Variants in ROBO2 observed in about 807,000 individuals in gnomAD.
The protein encoded by ROBO2 is roundabout homolog 2.
Under a neutral mutation model 160.8 loss-of-function variants are expected in ROBO2, and 53 were observed. The observed-to-expected ratio is 0.33, with a 90% CI of 0.26 to 0.41. ROBO2 has a LOEUF of 0.41. Among genes scored for constraint, ROBO2 ranks in the 10% least tolerant of loss-of-function variants. The probability of loss-of-function intolerance (pLI) is 1.00; values close to 1 mark genes in which losing one functional copy is unlikely to be tolerated. For missense variants in ROBO2, 1,577 were observed against 1,722.4 expected (o/e 0.92, Z 1.49); for synonymous variants, 664 against 611.7 (o/e 1.09, Z -1.26).
chr3:76,179,691 C>T (rs865949271), intron 2 of ROBO2, among the ~76,000 whole-genome samples: 2 of 152,034 alleles, frequency 1.3e-5, no homozygotes, highest in South Asian at 4.1e-4. Flanking sequence ...TTATTTTCTT[C>T]TTTGCCTAGA....
At chr3:77,631,618 A>G (rs1405062675) in intron 23 of ROBO2, 2 of 152,160 alleles carry the variant, frequency 1.3e-5, no homozygotes, top group African/African-American at 4.8e-5. Context: ...CTAAGAAAAC[A>G]TATAAAATTG....
intron 2 of ROBO2, among the ~76,000 whole-genome samples, chr3:77,387,553 T>A (rs1206719251): frequency 6.6e-6 from 1 of 151,690 alleles, no homozygotes; most frequent in Non-Finnish European, 1.5e-5. Flanking sequence ...AACTGCTGCC[T>A]GAAATTTTCT....
chr3:77,285,602 T>C (rs888426899), intron 2 of ROBO2, among the ~76,000 whole-genome samples: 12 of 152,192 alleles, frequency 7.9e-5, no homozygotes, highest in African/African-American at 2.4e-4. Context: ...TCTCCACTTT[T>C]ACCCAAAGCC....
chr3:77,217,263 C>T (rs1367331970), intron 2 of ROBO2, among the ~76,000 whole-genome samples: 1 of 152,116 alleles, frequency 6.6e-6, no homozygotes, highest in Admixed American at 6.6e-5. Flanking sequence ...CTACCTCAGC[C>T]TCCCAAGTAG....
intron 2 of ROBO2, among the ~76,000 whole-genome samples, chr3:76,677,017 CATT>C (rs1053897173): frequency 1.3e-5 from 2 of 152,242 alleles, no homozygotes; most frequent in African/African-American, 4.8e-5. Context: ...AGCAGAAAGA[CATT>C]ATAATGTTGA....
intron 2 of ROBO2, among the ~76,000 whole-genome samples, chr3:76,020,347 T>A (rs1458890489): frequency 6.6e-6 from 1 of 151,900 alleles, no homozygotes; most frequent in African/African-American, 2.4e-5. Flanking sequence ...AAAGTTAATT[T>A]TTTTACATTT....
At position 77,162,137 on chromosome 3, in the gene ROBO2, TA is replaced by T. The variant is rs371063034; in HGVS notation, c.388+63807del. 2.6e-3 allele frequency among the ~76,000 whole-genome samples: 382 copies of T among 147,722 alleles called. 2 individuals carry two copies. Among genetic ancestry groups the T allele is most frequent in the African/African-American group, 8.4e-3 (341 of 40,440 alleles). ...TTCTTATGTCATAGCTTCTCAGTAT[TA>T]AAAAAAAAATAGGGCATATGGCAGA... On this transcript the variant is annotated intron_variant, in intron 2 of 25. Coordinates refer to ENST00000461745, the Ensembl canonical transcript of ROBO2.
intron 2 of ROBO2, among the ~76,000 whole-genome samples, chr3:76,762,376 A>G (rs923819533): frequency 1.3e-5 from 2 of 151,458 alleles, no homozygotes; most frequent in Non-Finnish European, 3.0e-5. Flanking sequence ...TCAAATATTT[A>G]TGCAATAAAA....
At chr3:77,405,664 G>A (rs1236604272) in intron 2 of ROBO2, among the ~76,000 whole-genome samples, 1 of 151,790 alleles carries the variant, frequency 6.6e-6, no homozygotes, top group Admixed American at 6.6e-5. Flanking sequence ...AAAAGTATAA[G>A]CCTCTTCCAA....
intron 2 of ROBO2, among the ~76,000 whole-genome samples, chr3:76,692,790 T>C (rs984424543): frequency 1.3e-5 from 2 of 152,028 alleles, no homozygotes; most frequent in South Asian, 2.1e-4. Flanking sequence ...GGGGTATTTA[T>C]ATATTTTTAT....
intron 2 of ROBO2, among the ~76,000 whole-genome samples, chr3:75,984,420 T>C (rs1398824715): frequency 6.6e-6 from 1 of 151,480 alleles, no homozygotes; most frequent in Non-Finnish European, 1.5e-5. Flanking sequence ...GGAAAATGAC[T>C]ATAACACAGA....
chr3:77,503,521 C>T (rs1403926188), intron 5 of ROBO2, among the ~76,000 whole-genome samples: 2 of 140,878 alleles, frequency 1.4e-5, no homozygotes, highest in Admixed American at 1.4e-4. Flanking sequence ...GAGAGTCCGT[C>T]TCTAAATAAA....
chr3:76,045,992 A>T (rs188909046), intron 2 of ROBO2, among the ~76,000 whole-genome samples: 1 of 151,784 alleles, frequency 6.6e-6, no homozygotes, highest in African/African-American at 2.4e-5. Flanking sequence ...TAGTCCCAAA[A>T]TTTTTTCCCG....
chr3:76,065,288 A>G (rs1219377874), intron 2 of ROBO2, among the ~76,000 whole-genome samples: 3 of 152,144 alleles, frequency 2.0e-5, no homozygotes, highest in Non-Finnish European at 4.4e-5. Context: ...TTAATTGTAA[A>G]GTAGCAATTA....
chr3:76,909,823 G>A (rs1487852502), intron 2 of ROBO2, among the ~76,000 whole-genome samples: 2 of 152,112 alleles, frequency 1.3e-5, no homozygotes, highest in African/African-American at 2.4e-5. Flanking sequence ...ATGATTTGAG[G>A]GGAAAAGTCT....
intron 16 of ROBO2, among the ~76,000 whole-genome samples, chr3:77,585,166 T>C (rs2094014175): frequency 6.6e-6 from 1 of 151,368 alleles, no homozygotes; most frequent in Admixed American, 6.6e-5. Context: ...TAATAAATAC[T>C]AAATTCTTAA....
At chr3:76,016,842 A>C (rs1359545440) in intron 2 of ROBO2, among the ~76,000 whole-genome samples, 1 of 152,082 alleles carries the variant, frequency 6.6e-6, no homozygotes, top group African/African-American at 2.4e-5. Context: ...TGATTTTTCT[A>C]TTCCTAAAAA....
chr3:76,995,088 A>C (rs1360298707), intron 2 of ROBO2, among the ~76,000 whole-genome samples: 1 of 138,672 alleles, frequency 7.2e-6, no homozygotes, highest in African/African-American at 2.8e-5. Context: ...TCCTAATGCT[A>C]TCCCTCCCCA....
intron 2 of ROBO2, among the ~76,000 whole-genome samples, chr3:76,603,879 C>G (rs953598352): frequency 3.9e-5 from 6 of 151,994 alleles, no homozygotes; most frequent in Non-Finnish European, 5.9e-5. Context: ...ATTAAATATA[C>G]ATATATATTA....
Sources: gnomAD v4.1 joint callset for allele counts (sites outside exome capture counted in the v4.1 genomes callset) on GRCh38, gnomAD v4.1.1 for gene constraint, MANE v1.5 for transcripts, NCBI Gene and HGNC (gene_info 2026-07-23, HGNC 2026-07-21) for gene names.